The following FAM81A variants were observed in gnomAD, a reference collection of about 807,000 sequenced individuals.
FAM81A encodes protein FAM81A.
Under a neutral mutation model 46.7 loss-of-function variants are expected in FAM81A, and 19 were observed. The observed-to-expected ratio is 0.41, with a 90% confidence interval of 0.28 to 0.60. The LOEUF (loss-of-function observed/expected upper bound fraction) is 0.60. FAM81A is among the 20% of genes least tolerant of loss of function. The pLI, the probability that FAM81A is intolerant of heterozygous loss-of-function variation, is 0.34. For missense variants in FAM81A, 377 were observed against 453.5 expected (o/e 0.83, Z 1.53); for synonymous variants, 183 against 152.9 (o/e 1.20, Z -1.45).
intron 3 of FAM81A, among the ~76,000 whole-genome samples, chr15:59,476,606 T>A (rs2081772326): frequency 1.3e-5 from 2 of 151,984 alleles, no homozygotes; most frequent in African/African-American, 4.8e-5. Flanking sequence ...GCCAACATGA[T>A]GAAACCCCAT....
chr15:59,504,496 T>C (rs1360003468), intron 4 of FAM81A, among the ~76,000 whole-genome samples: 1 of 152,228 alleles, frequency 6.6e-6, no homozygotes, highest in African/African-American at 2.4e-5. Context: ...AGTAAGAGTC[T>C]ATAAGAAAGT....
chr15:59,413,937 A>T lies in FAM81A; in HGVS notation c.-78+11579A>T, dbSNP rs560643207. On this transcript the variant is annotated intron_variant, in intron 2 of 4. Transcript: ENST00000558348. ...GGCAGGTAGAATGGTAGCCCTCCCA[A>T]AGACGTCCACATTCTAATTCTTTTT... Among the ~76,000 whole-genome samples the T allele has an allele frequency of 1.9e-4, 29 of 152,114 alleles. 1 individual carries two copies. In the South Asian group the frequency reaches 3.3e-3, roughly 17 times the overall value.
chr15:59,402,713 T>TGGGG (rs398118902), intron 2 of FAM81A, among the ~76,000 whole-genome samples: 206 of 20,150 alleles, frequency 0.01, no homozygotes, highest in South Asian at 0.011. Flanking sequence ...GATATTTTTT[T>TGGGG]GGGGGGTGGG....
At chr15:59,477,291 C>T (rs2081784669) in intron 3 of FAM81A, among the ~76,000 whole-genome samples, 1 of 151,772 alleles carries the variant, frequency 6.6e-6, no homozygotes, top group African/African-American at 2.4e-5. Flanking sequence ...TGTAAATTGC[C>T]TGAGTTTTTA....
intron 3 of FAM81A, among the ~76,000 whole-genome samples, chr15:59,470,430 C>A (rs1377464031): frequency 1.3e-5 from 2 of 152,124 alleles, no homozygotes; most frequent in African/African-American, 4.8e-5. Context: ...CTAACCTTGT[C>A]TTCTTCCTTT....
At chr15:59,459,647 A>G (rs1315814402) in intron 2 of FAM81A, among the ~76,000 whole-genome samples, 1 of 151,984 alleles carries the variant, frequency 6.6e-6, no homozygotes, top group Admixed American at 6.5e-5. Flanking sequence ...GATCTTGATA[A>G]CATAGATTAT....
intron 2 of FAM81A, 65 bp downstream of exon 2, chr15:59,458,711 G>C (rs1470730651): frequency 1.6e-5 from 24 of 1,458,194 alleles, no homozygotes; most frequent in Non-Finnish European, 2.1e-5. Context: ...ACAAATCAAA[G>C]CTTGGGCTGT....
chr15:59,437,666 C>T (rs1265898056), upstream of FAM81A, among the ~76,000 whole-genome samples: 2 of 152,136 alleles, frequency 1.3e-5, no homozygotes, highest in Non-Finnish European at 2.9e-5. Flanking sequence ...GGGGCGTCAC[C>T]GTGGCCTAAT....
At chr15:59,403,887 C>CTTTTT (rs11387570) in intron 2 of FAM81A, among the ~76,000 whole-genome samples, 3 of 140,086 alleles carry the variant, frequency 2.1e-5, no homozygotes. Flanking sequence ...CTTTTCTTTT[C>CTTTTT]TTTTTTTTTT....
At chr15:59,433,154 A>AG (rs2081228539) in intron 2 of FAM81A, among the ~76,000 whole-genome samples, 1 of 144,756 alleles carries the variant, frequency 6.9e-6, no homozygotes, top group Admixed American at 6.9e-5. Context: ...AAAAAAAAAA[A>AG]AAAAAAAAAA....
intron 3 of FAM81A, among the ~76,000 whole-genome samples, chr15:59,467,041 C>G (rs552646825): frequency 9.2e-5 from 14 of 151,956 alleles, no homozygotes; most frequent in African/African-American, 3.1e-4. Flanking sequence ...ATTTCTGAGG[C>G]CTCTGTTCTG....
intron 2 of FAM81A, among the ~76,000 whole-genome samples, chr15:59,427,842 T>C (rs924322881): frequency 7.9e-5 from 12 of 152,272 alleles, no homozygotes; most frequent in Admixed American, 3.9e-4. Flanking sequence ...ATTTTTGTTA[T>C]TGTGAATAGT....
intron 2 of FAM81A, among the ~76,000 whole-genome samples, chr15:59,413,255 CGTT>C (rs1207921048): frequency 2.0e-5 from 3 of 152,058 alleles, no homozygotes; most frequent in Admixed American, 1.3e-4. Context: ...GGCTGTCCCT[CGTT>C]GTCTGGCACC....
intron 2 of FAM81A, among the ~76,000 whole-genome samples, chr15:59,422,169 T>TTG (rs1352923671): frequency 1.3e-5 from 2 of 152,090 alleles, no homozygotes; most frequent in Non-Finnish European, 2.9e-5. Flanking sequence ...GGAGGATTGC[T>TTG]TGAGTCCAGG....
intron 3 of FAM81A, among the ~76,000 whole-genome samples, chr15:59,466,653 G>A (rs1427837064): frequency 6.6e-6 from 1 of 152,128 alleles, no homozygotes; most frequent in Non-Finnish European, 1.5e-5. Context: ...CCATTCTGTA[G>A]GTTGCCTGTT....
At position 59,479,463 on chromosome 15, in the gene FAM81A, A is replaced by G. The variant is rs1304290743; in HGVS notation, c.295-12808A>G. Among the ~76,000 whole-genome samples, 5 of 140,898 alleles carry G rather than the reference A, an allele frequency of 3.5e-5. No individual in the cohort carries two copies. The Admixed American group carries it at 3.6e-4, about 10-fold the overall frequency. 92.4% of individuals were successfully genotyped at this position (140,898 alleles called of 152,430 possible). On this transcript the variant is annotated intron_variant, in intron 3 of 8. Transcript: ENST00000288228. The stretch of plus-strand genomic sequence containing the variant: ...GAGGCGGAGGTTGCAGTGAGCTGAG[A>G]TTGTGCCATTGCACTCCAGCCTGGG...
intron 6 of FAM81A, among the ~76,000 whole-genome samples, chr15:59,513,239 A>T (rs2082231938): frequency 1.3e-5 from 2 of 152,156 alleles, no homozygotes. Flanking sequence ...TTTGATTTAC[A>T]TTAGGAAATA....
chr15:59,489,228 G>A (rs1181152556), intron 3 of FAM81A, among the ~76,000 whole-genome samples: 3 of 152,074 alleles, frequency 2.0e-5, no homozygotes, highest in Non-Finnish European at 2.9e-5. Context: ...TTGCGCCACT[G>A]CACTCTAGCC....
chr15:59,491,589 A>T (rs932728888), intron 3 of FAM81A, among the ~76,000 whole-genome samples: 2 of 152,246 alleles, frequency 1.3e-5, no homozygotes, highest in Non-Finnish European at 2.9e-5. Flanking sequence ...TGTTTGTAAT[A>T]GAAACAGTAA....
Sources: gnomAD v4.1 joint callset for allele counts (sites outside exome capture counted in the v4.1 genomes callset) on GRCh38, gnomAD v4.1.1 for gene constraint, MANE v1.5 for transcripts, NCBI Gene and HGNC (gene_info 2026-07-23, HGNC 2026-07-21) for gene names.